The following ERCC3 variants were observed in gnomAD, a reference collection of about 807,000 sequenced individuals.
The protein encoded by ERCC3 is ERCC excision repair 3, TFIIH core complex helicase subunit.
Under a neutral mutation model 94.2 loss-of-function variants are expected in ERCC3, and 66 were observed. The observed-to-expected ratio is 0.70, with a 90% CI of 0.57 to 0.86. The LOEUF is 0.86. Ranked by LOEUF, ERCC3 falls within the 40% of genes least tolerant of loss-of-function variation. ERCC3 has a pLI of 0.00. For missense variants in ERCC3, 829 were observed against 987.1 expected (o/e 0.84, Z 2.15); for synonymous variants, 349 against 369.1 (o/e 0.95, Z 0.63).
At chr2:127,273,829 T>C (rs1008537167) in intron 10 of ERCC3, among the ~76,000 whole-genome samples, 1 of 149,938 alleles carries the variant, frequency 6.7e-6, no homozygotes, top group Admixed American at 6.6e-5. Context: ...TCAATGGTTA[T>C]CATCCCATAG....
chr2:127,288,646 C>G lies in ERCC3; in HGVS notation c.1027+14G>C. The G allele has an allele frequency of 2.5e-6, 4 of 1,612,088 alleles. No individual in the cohort carries two copies. Among genetic ancestry groups the G allele is most frequent in the Non-Finnish European group, 3.4e-6 (4 of 1,178,134 alleles). On this transcript the variant is annotated intron_variant, in intron 7 of 14. Transcript: ENST00000285398. Reference sequence around the variant, plus strand: ...CAACAGCCTGACCACCTTCTTAACTCTGGTACCACTTACCGCAGGGAAGAA... The same window carrying G: ...CAACAGCCTGACCACCTTCTTAACTGTGGTACCACTTACCGCAGGGAAGAA...
intron 12 of ERCC3, among the ~76,000 whole-genome samples, chr2:127,263,398 T>C (rs1468377131): frequency 2.0e-5 from 3 of 152,154 alleles, no homozygotes; most frequent in African/African-American, 4.8e-5. Context: ...ATAAATTGGA[T>C]TGTGTTCTTG....
chr2:127,292,110 G>C (rs1329440674), intron 3 of ERCC3: 1 of 227,252 alleles, frequency 4.4e-6, no homozygotes, highest in Non-Finnish European at 8.9e-6. Flanking sequence ...GTGAGAGAAA[G>C]CATGCTCCGG....
intron 10 of ERCC3, among the ~76,000 whole-genome samples, chr2:127,276,614 G>C (rs536713626): frequency 1.3e-5 from 2 of 152,198 alleles, no homozygotes; most frequent in African/African-American, 4.8e-5. Flanking sequence ...AAGCAAACTG[G>C]AGAAGCTGTT....
chr2:127,289,629 G>A, intron 5 of ERCC3, 60 bp downstream of exon 5: 1 of 1,609,606 alleles, frequency 6.2e-7, no homozygotes, highest in Non-Finnish European at 8.5e-7. Context: ...AAAGACACCT[G>A]AGAGAACTGA....
rs191741633 is a variant in ERCC3, at chr2:127,264,669, G to A, written c.1946-3323C>T. On this transcript the variant is annotated intron_variant, in intron 12 of 14. Coordinates refer to ENST00000285398, the MANE Select transcript of ERCC3 (RefSeq NM_000122.2). The surrounding 1 kb of genome is among the most constrained non-coding windows in gnomAD (Gnocchi z 4.4). ...TCCTCATTTTGTTACAGATTTTTGC[G>A]TCTGTGTTCATCAGGAATACTAGCC... Among the ~76,000 whole-genome samples, 656 of 152,162 alleles carry A rather than the reference G, an allele frequency of 4.3e-3. 2 individuals are homozygous for A. Among genetic ancestry groups the A allele is most frequent in the African/African-American group, 0.015 (608 of 41,518 alleles).
intron 13 of ERCC3, chr2:127,260,158 A>C (rs1197999649): frequency 1.3e-5 from 2 of 154,212 alleles, no homozygotes; most frequent in Admixed American, 1.3e-4. Flanking sequence ...GACGATGTGC[A>C]CATCTGCCCA....
rs552072481 is a variant in ERCC3 at position 127,264,143 on chromosome 2, T to C, written c.1946-2797A>G. 3.7e-4 allele frequency among the ~76,000 whole-genome samples: 56 copies of C among 152,324 alleles called. No homozygotes were observed. The highest frequency in any genetic ancestry group is 1.2e-3 in the African/African-American group (51 of 41,586). Reference sequence around the variant, plus strand: ...CGATGCCATTTGTTGAGGGTTTTTATCATGAAGGAATGTTGAATTTTATCA... The same window carrying C: ...CGATGCCATTTGTTGAGGGTTTTTACCATGAAGGAATGTTGAATTTTATCA... On this transcript the variant is annotated intron_variant, in intron 12 of 14. Transcript: ENST00000285398. This position sits in a 1 kb window ranked among gnomAD's most constrained non-coding sequence, Gnocchi z 4.4.
At chr2:127,290,294 C>T (rs767477738) in intron 3 of ERCC3, 21 bp from the exon 4 acceptor site, 1 of 1,603,816 alleles carries the variant, frequency 6.2e-7, no homozygotes, top group South Asian at 1.1e-5. Context: ...AGATAACATC[C>T]AACAGGTAAA....
rs771871390 is a variant in ERCC3, at chr2:127,272,956, T to TA, written c.1735dup (p.Tyr579LeufsTer25). On this transcript the variant is annotated frameshift_variant, in exon 11 of 15. Coordinates refer to ENST00000285398, the MANE Select transcript of ERCC3 (RefSeq NM_000122.2). LOFTEE classifies it high-confidence loss of function. ...CCCCTGAGACGTAGGTCCGTAGATA[T>TA]AGGGTCTAGAGAAGAATGAAGCTGT... 1.2e-6 allele frequency: 2 copies of TA among 1,600,792 alleles called. No individual in the cohort carries two copies. The highest frequency in any genetic ancestry group is 1.7e-6 in the Non-Finnish European group (2 of 1,168,014).
chr2:127,280,780 G>T lies in ERCC3; in HGVS notation c.1343-149C>A. On this transcript the variant is annotated intron_variant, in intron 8 of 14. Transcript: ENST00000285398. The surrounding 1 kb of genome is among the most constrained non-coding windows in gnomAD (Gnocchi z 6.3). ...GGCCTCAAGCAATCCCCCTGCCTTC[G>T]CCTCCCAAAGTGCTGGGATTACAGA... 1 of 721,224 alleles carries T rather than the reference G, an allele frequency of 1.4e-6. No individual in the cohort carries two copies. Among genetic ancestry groups the T allele is most frequent in the Non-Finnish European group, 2.4e-6 (1 of 423,582 alleles). The allele number at this position is 721,224 out of a possible 1,614,324, so 44.7% of individuals were successfully genotyped here. A position where few individuals can be genotyped will look rare whatever the true frequency, so the allele number is the denominator to read the frequency against.
At chr2:127,292,236 G>C in intron 3 of ERCC3, 2 of 361,852 alleles carry the variant, frequency 5.5e-6, no homozygotes, top group Non-Finnish European at 1.1e-5. Flanking sequence ...CAAAATTTGA[G>C]GGGAACACAC....
chr2:127,287,119 G>C (rs892179590), intron 7 of ERCC3, 102 bp from the exon 8 acceptor site: 8 of 888,412 alleles, frequency 9.0e-6, no homozygotes, highest in Admixed American at 2.0e-5. Context: ...AAAATGTCTT[G>C]TAACAGTCCA....
intron 3 of ERCC3, chr2:127,290,701 G>T: frequency 3.5e-6 from 1 of 289,314 alleles, no homozygotes; most frequent in Non-Finnish European, 6.7e-6. Context: ...TAAGCATCTT[G>T]ATGGCAGAGA....
At position 127,274,970 on chromosome 2, in the gene ERCC3, G is replaced by A. The variant is rs4150477; in HGVS notation, c.1731-2009C>T. Among the ~76,000 whole-genome samples the A allele has an allele frequency of 0.35, 53,634 of 152,056 alleles. 10,246 individuals carry two copies. The highest frequency in any genetic ancestry group is 0.61 in the East Asian group (3,171 of 5,162). On this transcript the variant is annotated intron_variant, in intron 10 of 14. Transcript: ENST00000285398. This position sits in a 1 kb window ranked among gnomAD's most constrained non-coding sequence, Gnocchi z 4.0. ...TGGGTGGCAGTAGCTCCATGTGACC[G>A]AAGTACAAAAGGAGTTCAGAGGTAA...
chr2:127,275,288 C>T (rs926731224), intron 10 of ERCC3, among the ~76,000 whole-genome samples: 2 of 152,210 alleles, frequency 1.3e-5, no homozygotes, highest in East Asian at 1.9e-4. Flanking sequence ...CCTTGGCCCC[C>T]CAAAGTGCTG....
In ERCC3 at chr2:127,293,935, T is replaced by A. The variant is rs775372891; in HGVS notation, c.28+119A>T. On this transcript the variant is annotated intron_variant, in intron 1 of 14. Transcript: ENST00000285398. The stretch of plus-strand genomic sequence containing the variant: ...CGCCCAAAGGCCTGTCCCAACGGGG[T>A]GCGCGCGGGAGGGCCAGCAGGGTCG... 20 of 1,533,150 alleles carry A rather than the reference T, an allele frequency of 1.3e-5. No individual in the cohort carries two copies. In the South Asian group the frequency reaches 2.0e-4, roughly 16 times the overall value. 95.0% of individuals were successfully genotyped at this position (1,533,150 alleles called of 1,614,324 possible). A position where few individuals can be genotyped will look rare whatever the true frequency, so the allele number is the denominator to read the frequency against.
chr2:127,292,305 A>C (rs1269154753), intron 3 of ERCC3: 6 of 472,916 alleles, frequency 1.3e-5, no homozygotes, highest in Non-Finnish European at 2.0e-5. Flanking sequence ...CCCTGGCTAC[A>C]ATGGGCCTGA....
chr2:127,259,376 A>G lies in ERCC3; in HGVS notation c.2137T>C (p.Leu713=). Residue 713 remains leucine (L), a synonymous_variant, in exon 14 of 15, where the codon TTA becomes CTA. Transcript: ENST00000285398. The surrounding 1 kb of genome is among the most constrained non-coding windows in gnomAD (Gnocchi z 4.9). ...TCAGTGGCTGCCAGGACTTTCTGTA[A>G]GAGCTGCTGTTGCTCTTCTTTTGTC... ...FSTKEEQQQL[L]QKVLAATDLD... 1 of 1,614,142 alleles carries G rather than the reference A, an allele frequency of 6.2e-7. No homozygotes were observed. The highest frequency in any genetic ancestry group is 1.3e-5 in the African/African-American group (1 of 75,032).
Sources: allele counts gnomAD v4.1 joint callset (sites outside exome capture counted in the v4.1 genomes callset), GRCh38; gene constraint gnomAD v4.1.1; non-coding constraint Gnocchi (gnomAD v3.1); transcripts MANE v1.5; gene names NCBI Gene and HGNC (gene_info 2026-07-23, HGNC 2026-07-21).